Variants in DBF4B observed in about 807,000 individuals in gnomAD.
DBF4B encodes the protein DBF4B-CDC7 kinase regulatory subunit.
In DBF4B, 49 loss-of-function variants were observed where a neutral mutation model predicts 53.4. The observed-to-expected ratio is 0.92, with a 90% CI of 0.73 to 1.16. The LOEUF (loss-of-function observed/expected upper bound fraction) is 1.16, where lower values mean the gene tolerates loss of function less well. Among genes scored for constraint, DBF4B ranks in the 50% most tolerant of loss-of-function variants. The pLI, the probability that DBF4B is intolerant of heterozygous loss-of-function variation, is 0.00. For missense variants in DBF4B, 692 were observed against 775.0 expected (o/e 0.89, Z 1.27); for synonymous variants, 257 against 288.7 (o/e 0.89, Z 1.11).
At chr17:44,740,268 A>C (rs981265169) in intron 9 of DBF4B, among the ~76,000 whole-genome samples, 2 of 152,222 alleles carry the variant, frequency 1.3e-5, no homozygotes, top group Non-Finnish European at 2.9e-5. Context: ...GCTGAGCTAC[A>C]GTACTCTTAC....
At chr17:44,733,057 C>G (rs868331330) in intron 6 of DBF4B, among the ~76,000 whole-genome samples, 1 of 150,564 alleles carries the variant, frequency 6.6e-6, no homozygotes, top group Non-Finnish European at 1.5e-5. Flanking sequence ...CCCAGCTACT[C>G]GGGAGGCTGA....
In DBF4B at chr17:44,732,197, GC is replaced by G; in HGVS notation, c.489del (p.Ser164ValfsTer8). ...IRNQGSISGG[G>X]SGGSSSLLTN... ...TTTCAGGGGAGCATCAGTGGAGGAG[GC>G]AGTGGGGGCAGCAGCAGCCTCCTGA... On this transcript the variant is annotated frameshift_variant, in exon 6 of 14. Transcript: ENST00000315005. LOFTEE classifies it high-confidence loss of function. The G allele has an allele frequency of 6.2e-7, 1 of 1,614,142 alleles. No individual in the cohort carries two copies. Among genetic ancestry groups the G allele is most frequent in the Non-Finnish European group, 8.5e-7 (1 of 1,180,032 alleles).
rs150747447 is a variant in DBF4B at position 44,722,088 on chromosome 17, C to T, written c.83-792C>T. Among the ~76,000 whole-genome samples the T allele has an allele frequency of 5.9e-5, 9 of 151,700 alleles. No individual in the cohort carries two copies. In the East Asian group the frequency reaches 9.7e-4, roughly 16 times the overall value. On this transcript the variant is annotated intron_variant, in intron 2 of 13. Transcript: ENST00000315005. The stretch of plus-strand genomic sequence containing the variant: ...GAAGGAGGTTGCGATAAGCCGAGAT[C>T]GCGCCATTGCACTCCAGCCTGGGCA...
At chr17:44,731,928 G>C in intron 5 of DBF4B, 1 of 442,242 alleles carries the variant, frequency 2.3e-6, no homozygotes, top group Non-Finnish European at 4.1e-6. Flanking sequence ...TCCTGGTCAC[G>C]AGGTGGCCAG....
At position 44,751,453 on chromosome 17, in the gene DBF4B, G is replaced by A. The variant is rs1243760697; in HGVS notation, c.*200G>A. On this transcript the variant is annotated 3_prime_UTR_variant, in exon 14 of 14. Transcript: ENST00000315005. ...CTTGCAGTCAGTCCCTTTTCAACAT[G>A]TTGCCGTTTCTTTCTGAAGAGGTGT... 6 of 1,414,456 alleles carry A rather than the reference G, an allele frequency of 4.2e-6. No individual in the cohort carries two copies. Among genetic ancestry groups the A allele is most frequent in the Non-Finnish European group, 5.5e-6 (6 of 1,090,262 alleles). The allele number at this position is 1,414,456 out of a possible 1,614,324, so 87.6% of individuals were successfully genotyped here. A position where few individuals can be genotyped will look rare whatever the true frequency, so the allele number is the denominator to read the frequency against.
chr17:44,722,912 A>T lies in DBF4B; in HGVS notation c.115A>T (p.Asn39Tyr). The part of the protein sequence containing the change: ...VSRCLGKCQK[N>Y]SPGARKHPFS... ...CAGGTGTCTAGGAAAATGCCAGAAG[A>T]ACTCACCAGGTGCCAGGAAGCATCC... Residue 39 changes from asparagine to tyrosine, a missense_variant, in exon 3 of 14, where the codon AAC (asparagine) becomes TAC (tyrosine). Physicochemically the swap from Asn to Tyr is moderately radical, Grantham distance 143. Transcript: ENST00000315005. 1 of 1,614,188 alleles carries T rather than the reference A, an allele frequency of 6.2e-7. No individual in the cohort carries two copies.
intron 11 of DBF4B, 38 bp from the exon 12 acceptor site, chr17:44,747,353 C>T (rs1285321192): frequency 2.5e-6 from 4 of 1,612,098 alleles, no homozygotes; most frequent in Non-Finnish European, 2.5e-6. Context: ...CCCCCCAGGC[C>T]TCATCTAATG....
chr17:44,709,392 C>T (rs778736899), intron 2 of DBF4B, 26 bp downstream of exon 2: 26 of 1,613,614 alleles, frequency 1.6e-5, no homozygotes, highest in Middle Eastern at 1.6e-4. Context: ...GAACTAGGGA[C>T]GTGAGGTGAA....
chr17:44,725,684 C>CTTCTTTTTTTTTTTTTTTTTTTTTTTT (rs777349094), intron 3 of DBF4B, among the ~76,000 whole-genome samples: 2 of 87,662 alleles, frequency 2.3e-5, no homozygotes, highest in African/African-American at 9.6e-5. Context: ...TTTTGTGCTT[C>CTTCTTTTTTTTTTTTTTTTTTTTTTTT]TTTTTTTTTT....
chr17:44,716,370 G>A (rs1172402590), intron 2 of DBF4B, among the ~76,000 whole-genome samples: 3 of 152,022 alleles, frequency 2.0e-5, no homozygotes, highest in Non-Finnish European at 4.4e-5. Flanking sequence ...TCAGCATTCT[G>A]GGAGCTCACT....
intron 2 of DBF4B, chr17:44,719,696 A>G (rs897328705): frequency 6.3e-6 from 1 of 158,466 alleles, no homozygotes. Context: ...CATCAAATGG[A>G]CATATGAGTT....
chr17:44,710,975 GATTTTTTTTTT>G (rs763357145), intron 2 of DBF4B, among the ~76,000 whole-genome samples: 3 of 106,776 alleles, frequency 2.8e-5, no homozygotes, highest in Admixed American at 1.2e-4. Context: ...ATTCCAGTTT[GATTTTTTTTTT>G]TTTTTTTTTT....
chr17:44,725,129 A>C (rs946449745), intron 3 of DBF4B, among the ~76,000 whole-genome samples: 1 of 151,494 alleles, frequency 6.6e-6, no homozygotes, highest in Non-Finnish European at 1.5e-5. Context: ...AAAAAAAAAA[A>C]AAAAAAAAAA....
intron 2 of DBF4B, among the ~76,000 whole-genome samples, chr17:44,713,644 G>A (rs1052574628): frequency 1.3e-5 from 2 of 151,972 alleles, no homozygotes; most frequent in African/African-American, 4.8e-5. Context: ...GAAAGATTCC[G>A]TCTCAAAAAA....
chr17:44,729,718 ACACACACACC>A (rs1257925427), intron 3 of DBF4B, among the ~76,000 whole-genome samples, 177 bp from the exon 4 acceptor site: 4 of 135,812 alleles, frequency 2.9e-5, no homozygotes, highest in East Asian at 2.2e-4. Flanking sequence ...ACACACACAC[ACACACACACC>A]CCATTAGATT....
intron 13 of DBF4B, chr17:44,750,056 C>T: frequency 1.8e-5 from 18 of 1,001,010 alleles, no homozygotes; most frequent in Non-Finnish European, 2.1e-5. Context: ...ACCCCTCTCG[C>T]CCCTTCTCTG....
intron 2 of DBF4B, among the ~76,000 whole-genome samples, chr17:44,709,756 A>G (rs533924752): frequency 5.9e-5 from 9 of 152,166 alleles, no homozygotes; most frequent in Non-Finnish European, 1.3e-4. Flanking sequence ...AGAGTGACTT[A>G]TTAAATATAT....
chr17:44,708,947 C>T, intron 1 of DBF4B, 108 bp downstream of exon 1: 2 of 1,462,452 alleles, frequency 1.4e-6, no homozygotes, highest in Non-Finnish European at 9.2e-7. Context: ...GGGTAGGTGC[C>T]GAAGCTGAGG....
chr17:44,742,013 A>C (rs1177130364), intron 10 of DBF4B, among the ~76,000 whole-genome samples: 1 of 152,010 alleles, frequency 6.6e-6, no homozygotes, highest in African/African-American at 2.4e-5. Flanking sequence ...TTGAGATGCC[A>C]AAGTGGGAGG....
Sources: allele counts gnomAD v4.1 joint callset (sites outside exome capture counted in the v4.1 genomes callset), GRCh38; gene constraint gnomAD v4.1.1; transcripts MANE v1.5; gene names NCBI Gene and HGNC (gene_info 2026-07-23, HGNC 2026-07-21).